Variants in FHIT observed in about 807,000 individuals in gnomAD.
FHIT encodes fragile histidine triad diadenosine triphosphatase, also known as bis(5'-adenosyl)-triphosphatase.
In FHIT, 19 loss-of-function variants were observed where a neutral mutation model predicts 17.9. The observed-to-expected ratio is 1.06, with a 90% CI of 0.74 to 1.56. The LOEUF (loss-of-function observed/expected upper bound fraction) is 1.56, where lower values mean the gene tolerates loss of function less well. Ranked by LOEUF, FHIT falls within the 40% of genes most tolerant of loss-of-function variation. The pLI is 0.00. For synonymous variants in FHIT, 81 were observed against 69.7 expected (o/e 1.16, Z -0.81); for missense variants, 248 against 189.2 (o/e 1.31, Z -1.82).
chr3:60,501,737 A>G (rs1315638767), intron 5 of FHIT, among the ~76,000 whole-genome samples: 2 of 152,220 alleles, frequency 1.3e-5, no homozygotes, highest in South Asian at 2.1e-4. Context: ...CACATTAAGA[A>G]ATACCAAGTA....
chr3:60,889,435 C>T (rs1442139370), intron 3 of FHIT, among the ~76,000 whole-genome samples: 13 of 152,114 alleles, frequency 8.5e-5, no homozygotes, highest in East Asian at 3.9e-4. Flanking sequence ...TTTGCGGCAC[C>T]GAAACTTTAT....
intron 7 of FHIT, among the ~76,000 whole-genome samples, chr3:59,970,389 G>A (rs1157987123): frequency 1.3e-5 from 2 of 152,066 alleles, no homozygotes; most frequent in Non-Finnish European, 2.9e-5. Context: ...TTTATTGATT[G>A]GTGTTGACTG....
At chr3:60,425,417 G>A (rs1559902778) in intron 5 of FHIT, among the ~76,000 whole-genome samples, 1 of 152,070 alleles carries the variant, frequency 6.6e-6, no homozygotes, top group East Asian at 1.9e-4. Context: ...CCCACCCTGG[G>A]CCTCCATCAT....
chr3:60,827,140 T>C (rs1469516512), intron 3 of FHIT, among the ~76,000 whole-genome samples: 1 of 152,206 alleles, frequency 6.6e-6, no homozygotes, highest in Non-Finnish European at 1.5e-5. Context: ...GTTCCTTCTC[T>C]TCCTGGAGAG....
intron 5 of FHIT, among the ~76,000 whole-genome samples, chr3:60,218,427 C>A (rs865948369): frequency 6.6e-6 from 1 of 152,106 alleles, no homozygotes; most frequent in African/African-American, 2.4e-5. Flanking sequence ...AATTATAAAA[C>A]AGTTGATAAG....
At chr3:60,416,713 G>C (rs1330108270) in intron 5 of FHIT, among the ~76,000 whole-genome samples, 1 of 152,120 alleles carries the variant, frequency 6.6e-6, no homozygotes, top group African/African-American at 2.4e-5. Context: ...GCTAGCTGTA[G>C]TTATTAACTG....
At chr3:59,924,335 T>G (rs57355888) in intron 7 of FHIT, among the ~76,000 whole-genome samples, 19,951 of 152,122 alleles carry the variant, frequency 0.13, 1,642 homozygotes, top group African/African-American at 0.21. Context: ...CTCCCATCCA[T>G]CCATCTTTCA....
At chr3:60,272,771 C>A (rs1235197670) in intron 5 of FHIT, among the ~76,000 whole-genome samples, 1 of 152,180 alleles carries the variant, frequency 6.6e-6, no homozygotes, top group Admixed American at 6.5e-5. Flanking sequence ...GAAAATGCCT[C>A]AACAGACACT....
intron 1 of FHIT, among the ~76,000 whole-genome samples, 197 bp from the exon 2 acceptor site, chr3:61,200,862 C>G (rs1235180709): frequency 1.3e-5 from 2 of 152,166 alleles, no homozygotes; most frequent in Non-Finnish European, 2.9e-5. Context: ...ATGGTGCACA[C>G]ATCTACCCAG....
intron 6 of FHIT, 21 bp downstream of exon 6, chr3:60,013,986 C>T (rs992813285): frequency 1.9e-6 from 3 of 1,611,674 alleles, no homozygotes; most frequent in South Asian, 2.2e-5. Context: ...AAAATCATTT[C>T]TGAGAAATCT....
At chr3:61,189,398 GGA>G (rs1560055118) in intron 2 of FHIT, among the ~76,000 whole-genome samples, 1 of 152,132 alleles carries the variant, frequency 6.6e-6, no homozygotes, top group Non-Finnish European at 1.5e-5. Flanking sequence ...ACCTCTTGAA[GGA>G]GAACTACAAA....
intron 3 of FHIT, among the ~76,000 whole-genome samples, chr3:60,912,450 T>C (rs538592131): frequency 6.6e-6 from 1 of 152,086 alleles, no homozygotes; most frequent in African/African-American, 2.4e-5. Flanking sequence ...AGTGAGAAAA[T>C]GTTATATAAA....
At chr3:60,076,354 T>C (rs931371005) in intron 5 of FHIT, among the ~76,000 whole-genome samples, 1 of 152,108 alleles carries the variant, frequency 6.6e-6, no homozygotes, top group Non-Finnish European at 1.5e-5. Context: ...AAGTTGGATA[T>C]GCCAGAAACT....
chr3:60,563,029 C>A (rs2037005351), intron 4 of FHIT, among the ~76,000 whole-genome samples: 1 of 152,126 alleles, frequency 6.6e-6, no homozygotes, highest in African/African-American at 2.4e-5. Flanking sequence ...TATAAAATGG[C>A]TAGCCTTTGG....
At chr3:60,694,175 G>C (rs1214602702) in intron 4 of FHIT, among the ~76,000 whole-genome samples, 2 of 152,152 alleles carry the variant, frequency 1.3e-5, no homozygotes, top group African/African-American at 4.8e-5. Context: ...GTAAGGAACA[G>C]TAAGATGCTG....
intron 3 of FHIT, among the ~76,000 whole-genome samples, chr3:60,827,862 G>A (rs1217502556): frequency 6.6e-5 from 10 of 152,240 alleles, no homozygotes; most frequent in African/African-American, 2.2e-4. Context: ...ACTGTGAAAT[G>A]ATGGGGGACT....
chr3:60,782,165 C>A (rs1296703723), intron 4 of FHIT, among the ~76,000 whole-genome samples: 1 of 151,766 alleles, frequency 6.6e-6, no homozygotes, highest in Non-Finnish European at 1.5e-5. Flanking sequence ...TTGGTCCACC[C>A]ATGTGGTCAA....
intron 3 of FHIT, among the ~76,000 whole-genome samples, chr3:60,943,942 T>C (rs1553775145): frequency 6.6e-6 from 1 of 152,166 alleles, no homozygotes; most frequent in East Asian, 1.9e-4. Flanking sequence ...TGCTGTACTT[T>C]CCTCTTCAAC....
At chr3:60,942,426 T>A (rs1008752946) in intron 3 of FHIT, among the ~76,000 whole-genome samples, 1 of 152,160 alleles carries the variant, frequency 6.6e-6, no homozygotes, top group Non-Finnish European at 1.5e-5. Context: ...ACATAGGGTA[T>A]CCCTGTTAAT....
Sources: allele counts gnomAD v4.1 joint callset (sites outside exome capture counted in the v4.1 genomes callset), GRCh38; gene constraint gnomAD v4.1.1; transcripts MANE v1.5; gene names NCBI Gene and HGNC (gene_info 2026-07-23, HGNC 2026-07-21).